The following CCDC15 variants were observed in gnomAD, a reference collection of about 807,000 sequenced individuals.
CCDC15 encodes the protein coiled-coil domain containing 15, also known as coiled-coil domain-containing protein 15.
In CCDC15, 105 loss-of-function variants were observed where a neutral mutation model predicts 114.5. The observed-to-expected ratio is 0.92, with a 90% CI of 0.78 to 1.08. CCDC15 has a LOEUF of 1.08. Ranked by LOEUF, CCDC15 falls within the 50% of genes least tolerant of loss-of-function variation. The pLI, the probability that CCDC15 is intolerant of heterozygous loss-of-function variation, is 0.00. For synonymous variants in CCDC15, 334 were observed against 377.8 expected (o/e 0.88, Z 1.34); for missense variants, 1,105 against 1,093.6 (o/e 1.01, Z -0.15).
chr11:125,006,386 GCTT>G (rs1441715739), intron 13 of CCDC15, among the ~76,000 whole-genome samples: 11 of 152,078 alleles, frequency 7.2e-5, no homozygotes, highest in African/African-American at 2.7e-4. Flanking sequence ...TGTTCATTTT[GCTT>G]CTTCTTGTTG....
In CCDC15 at chr11:124,987,756, G is replaced by A. The variant is rs111966038; in HGVS notation, c.1530G>A (p.Leu510=). The A allele has an allele frequency of 1.4e-5, 22 of 1,604,832 alleles. No homozygotes were observed. In the African/African-American group the frequency reaches 1.4e-4, roughly 10 times the overall value. Residue 510 remains leucine (L), a synonymous_variant, in exon 8 of 16, where the codon TTG becomes TTA. Transcript: ENST00000344762. ...QNFLPKDQNF[L]SRDQHVLPKD... ...TTCTACCTAAGGACCAGAATTTTTT[G>A]TCTAGAGACCAGCATGTTCTCCCCA... is the stretch of plus-strand genomic sequence containing the variant.
At chr11:124,990,351 C>T (rs947902692) in intron 8 of CCDC15, among the ~76,000 whole-genome samples, 1 of 152,032 alleles carries the variant, frequency 6.6e-6, no homozygotes, top group Non-Finnish European at 1.5e-5. Context: ...GATCTCTATA[C>T]CAGATATAAT....
At chr11:124,995,004 C>T (rs143977519) in intron 11 of CCDC15, among the ~76,000 whole-genome samples, 16 of 152,170 alleles carry the variant, frequency 1.1e-4, no homozygotes, top group African/African-American at 1.9e-4. Flanking sequence ...GTTTGGGCTG[C>T]GGTTTTCAGG....
chr11:124,993,049 T>C (rs904404392), intron 10 of CCDC15, 120 bp from the exon 11 acceptor site: 1 of 634,122 alleles, frequency 1.6e-6, no homozygotes. Context: ...CAGCTTTAAC[T>C]GTGTTCTATT....
intron 6 of CCDC15, among the ~76,000 whole-genome samples, chr11:124,983,266 G>C (rs572521329): frequency 6.6e-6 from 1 of 152,214 alleles, no homozygotes; most frequent in East Asian, 1.9e-4. Flanking sequence ...TCCTATCCAT[G>C]TTCTGATTTC....
intron 13 of CCDC15, among the ~76,000 whole-genome samples, chr11:125,030,100 C>T (rs1215093982): frequency 1.3e-5 from 2 of 152,106 alleles, no homozygotes; most frequent in African/African-American, 4.8e-5. Flanking sequence ...AATGTAATAT[C>T]GTGGGAACAG....
rs1591592563 is a variant in CCDC15 at position 124,987,998 on chromosome 11, G to A, written c.1772G>A (p.Gly591Asp). The A allele has an allele frequency of 6.2e-7, 1 of 1,612,874 alleles. No individual in the cohort carries two copies. Among genetic ancestry groups the A allele is most frequent in the Non-Finnish European group, 8.5e-7 (1 of 1,179,622 alleles). Residue 591 changes from glycine to aspartate, a missense_variant, in exon 8 of 16, where the codon GGT (glycine) becomes GAT (aspartate). Coordinates refer to ENST00000344762, the MANE Select transcript of CCDC15 (RefSeq NM_025004.3). Reference protein sequence around the residue: ...QDQDFLPRDQGYLPKDQNILP... With the variant: ...QDQDFLPRDQDYLPKDQNILP... Reference sequence around the variant, plus strand: ...CAGGATTTTCTACCCAGAGACCAAGGTTATCTTCCTAAAGACCAAAATATT... The same window carrying A: ...CAGGATTTTCTACCCAGAGACCAAGATTATCTTCCTAAAGACCAAAATATT...
At chr11:124,991,330 C>G (rs1469922614) in intron 8 of CCDC15, 131 bp from the exon 9 acceptor site, 3 of 521,452 alleles carry the variant, frequency 5.8e-6, no homozygotes, top group Non-Finnish European at 9.5e-6. Flanking sequence ...ATGAGTGTCT[C>G]TTTTATTCCA....
intron 2 of CCDC15, among the ~76,000 whole-genome samples, chr11:124,956,471 G>T (rs950933018): frequency 1.3e-5 from 2 of 151,946 alleles, no homozygotes; most frequent in Non-Finnish European, 2.9e-5. Flanking sequence ...AATGAGAAGG[G>T]ATGAATGCAG....
At chr11:124,985,813 G>A (rs992159870) in intron 6 of CCDC15, among the ~76,000 whole-genome samples, 9 of 151,520 alleles carry the variant, frequency 5.9e-5, no homozygotes, top group African/African-American at 1.9e-4. Flanking sequence ...CTCCCATTCT[G>A]TAGACTGTTA....
chr11:124,954,914 G>C lies in CCDC15; in HGVS notation c.177+5G>C. The C allele has an allele frequency of 6.2e-7, 1 of 1,613,458 alleles. No individual in the cohort carries two copies. On this transcript the variant is annotated splice_donor_5th_base_variant and intron_variant, in intron 2 of 15. Transcript: ENST00000344762. ...AGTTCGGAAATCCCAGCATATGTGA[G>C]TGTCAGTTTGATCCAAATATGGTGG...
intron 6 of CCDC15, among the ~76,000 whole-genome samples, chr11:124,985,248 C>T (rs1948137633): frequency 6.6e-6 from 1 of 152,134 alleles, no homozygotes; most frequent in South Asian, 2.1e-4. Flanking sequence ...ATCCATTTAT[C>T]AGTTAGTAGA....
chr11:125,039,108 C>T (rs201746543), intron 15 of CCDC15, 39 bp downstream of exon 15: 2 of 1,517,626 alleles, frequency 1.3e-6, no homozygotes, highest in Non-Finnish European at 1.8e-6. Context: ...CTAATGGCAA[C>T]AAGAAAAATA....
intron 2 of CCDC15, among the ~76,000 whole-genome samples, chr11:124,955,269 T>A (rs1488842037): frequency 6.6e-6 from 1 of 152,212 alleles, no homozygotes; most frequent in Non-Finnish European, 1.5e-5. Flanking sequence ...TTAGTATGGA[T>A]GATAGTTGGC....
chr11:124,988,679 C>A (rs1323440228), intron 8 of CCDC15, among the ~76,000 whole-genome samples: 1 of 152,162 alleles, frequency 6.6e-6, no homozygotes, highest in East Asian at 1.9e-4. Flanking sequence ...TCCCTCAAAC[C>A]CTGCCACTGC....
chr11:124,992,456 C>G (rs535445623), intron 9 of CCDC15, 124 bp from the exon 10 acceptor site: 2 of 623,234 alleles, frequency 3.2e-6, no homozygotes, highest in South Asian at 4.0e-5. Context: ...CATATCAAAA[C>G]GTATCAGAAT....
Position 125,004,025 on chromosome 11 carries a change from T to C in CCDC15, c.2307+66T>C, listed in dbSNP as rs530166694. On this transcript the variant is annotated intron_variant, in intron 12 of 15. Transcript: ENST00000344762. ...ATGATAGTATTAATATATGAGAAAT[T>C]GGAAACAATTTGTTGTGTCCTAACA... The C allele has an allele frequency of 5.4e-5, 45 of 827,600 alleles. No homozygotes were observed. The African/African-American group carries it at 8.0e-4, about 15-fold the overall frequency. 51.3% of individuals were successfully genotyped at this position (827,600 alleles called of 1,614,324 possible). A position where few individuals can be genotyped will look rare whatever the true frequency, so the allele number is the denominator to read the frequency against.
chr11:125,009,306 G>A (rs1860604796), intron 13 of CCDC15, among the ~76,000 whole-genome samples: 1 of 151,926 alleles, frequency 6.6e-6, no homozygotes, highest in African/African-American at 2.4e-5. Context: ...TATGCATAAT[G>A]CACTAAACAA....
At chr11:124,954,473 C>T in intron 1 of CCDC15, 103 bp downstream of exon 1, 1 of 325,094 alleles carries the variant, frequency 3.1e-6, no homozygotes, top group Non-Finnish European at 6.0e-6. Flanking sequence ...CATTCCCATC[C>T]TTTCTCTTCC....
Sources: gnomAD v4.1 joint callset for allele counts (sites outside exome capture counted in the v4.1 genomes callset) on GRCh38, gnomAD v4.1.1 for gene constraint, MANE v1.5 for transcripts, NCBI Gene and HGNC (gene_info 2026-07-23, HGNC 2026-07-21) for gene names.